Variants in CCSER2 observed in about 807,000 individuals in gnomAD.
CCSER2 encodes serine-rich coiled-coil domain-containing protein 2.
A neutral mutation model predicts 92.3 loss-of-function variants in CCSER2; 46 were observed. The ratio of observed to expected loss-of-function variants is 0.50; its 90% confidence interval spans 0.39 to 0.64. The LOEUF (loss-of-function observed/expected upper bound fraction) is 0.64, where lower values mean the gene tolerates loss of function less well. CCSER2 is among the 30% of genes least tolerant of loss of function. The probability of loss-of-function intolerance (pLI) is 0.00; values close to 1 mark genes in which losing one functional copy is unlikely to be tolerated. For missense variants in CCSER2, 1,244 were observed against 1,238.9 expected, an observed-to-expected ratio of 1.00 and a Z score of -0.06; for synonymous variants, 433 against 431.4, an observed-to-expected ratio of 1.00 and a Z score of -0.04.
At chr10:84,436,325 CA>C (rs1160681619) in intron 5 of CCSER2, among the ~76,000 whole-genome samples, 54 of 14,334 alleles carry the variant, frequency 3.8e-3, no homozygotes, top group African/African-American at 0.016. Flanking sequence ...GACTCCGTCT[CA>C]AAAAAAAAAA....
intron 6 of CCSER2, among the ~76,000 whole-genome samples, chr10:84,458,315 T>G (rs1226507847): frequency 6.6e-6 from 1 of 152,210 alleles, no homozygotes; most frequent in Non-Finnish European, 1.5e-5. Context: ...TGTAGTGTTT[T>G]GCCTTTGTAA....
chr10:84,517,768 C>T lies in CCSER2; in HGVS notation c.*3501C>T, dbSNP rs1014350329. 6.6e-6 allele frequency: 1 copy of T among 152,524 alleles called. No individual in the cohort carries two copies. The highest frequency in any genetic ancestry group is 1.5e-5 in the Non-Finnish European group (1 of 68,014). 9.4% of individuals were successfully genotyped at this position (152,524 alleles called of 1,614,324 possible). A position where few individuals can be genotyped will look rare whatever the true frequency, so the allele number is the denominator to read the frequency against. On this transcript the variant is annotated 3_prime_UTR_variant, in exon 10 of 10. Transcript: ENST00000372088. The stretch of plus-strand genomic sequence containing the variant: ...TCAGTACATCAGAGAGAGCGTGATC[C>T]CCCTACAGCTGTCACTTCCAAATGT...
chr10:84,390,894 C>T, intron 3 of CCSER2: 2 of 703,714 alleles, frequency 2.8e-6, no homozygotes, highest in Non-Finnish European at 5.3e-6. Flanking sequence ...TAACATGTAT[C>T]TGGTTTTGCT....
At chr10:84,479,446 A>C (rs1437102927) in intron 9 of CCSER2, among the ~76,000 whole-genome samples, 1 of 152,212 alleles carries the variant, frequency 6.6e-6, no homozygotes, top group Non-Finnish European at 1.5e-5. Context: ...GATTTGTCCA[A>C]GGGGATTTTG....
chr10:84,427,742 A>G (rs569945584), intron 5 of CCSER2, among the ~76,000 whole-genome samples: 1 of 152,114 alleles, frequency 6.6e-6, no homozygotes, highest in African/African-American at 2.4e-5. Context: ...TTGATATGCT[A>G]TCTGGAATTC....
At chr10:84,385,146 G>A (rs1280682258) in intron 3 of CCSER2, among the ~76,000 whole-genome samples, 2 of 151,964 alleles carry the variant, frequency 1.3e-5, no homozygotes, top group Non-Finnish European at 2.9e-5. Flanking sequence ...CATTCTTATG[G>A]ATTAGAAGAA....
intron 3 of CCSER2, among the ~76,000 whole-genome samples, chr10:84,383,467 T>C (rs1841024355): frequency 6.6e-6 from 1 of 151,992 alleles, no homozygotes. Context: ...CCCGCCACCA[T>C]ACCTGGCTGA....
At chr10:84,419,364 A>AAAATAAATAAAATAAAAAT (rs1554844932) in intron 4 of CCSER2, among the ~76,000 whole-genome samples, 1 of 149,912 alleles carries the variant, frequency 6.7e-6, no homozygotes, top group East Asian at 1.9e-4. Context: ...TCAAAAAAAA[A>AAAATAAATAAAATAAAAAT]AAAATAAAAT....
chr10:84,330,518 T>C (rs1843504540), intron 1 of CCSER2, among the ~76,000 whole-genome samples: 1 of 152,194 alleles, frequency 6.6e-6, no homozygotes. Flanking sequence ...TTGGGGTTTC[T>C]TTTGTGTTTT....
Position 84,417,855 on chromosome 10 carries a change from G to A in CCSER2, c.1699G>A (p.Glu567Lys), listed in dbSNP as rs1205636094. The A allele has an allele frequency of 6.5e-7, 1 of 1,534,282 alleles. No homozygotes were observed. The highest frequency in any genetic ancestry group is 1.4e-5 in the African/African-American group (1 of 73,434). Residue 567 changes from glutamate to lysine, a missense_variant, in exon 4 of 10, where the codon GAA becomes AAA. Transcript: ENST00000372088. ...DVDLPEDAPL[E>K]NVECDNMNRF... Reference sequence around the variant, plus strand: ...GGATCTGCCTGAGGATGCACCTCTTGAAAATGGTAAGTTGAGACAATATTG... The same window carrying A: ...GGATCTGCCTGAGGATGCACCTCTTAAAAATGGTAAGTTGAGACAATATTG...
At chr10:84,360,115 G>A (rs529876744) in intron 1 of CCSER2, among the ~76,000 whole-genome samples, 71 of 151,944 alleles carry the variant, frequency 4.7e-4, no homozygotes, top group Admixed American at 1.0e-3. Context: ...GCCTGGCTGG[G>A]GTTTACTTTT....
chr10:84,402,015 TAA>T (rs1842144101), intron 3 of CCSER2, among the ~76,000 whole-genome samples: 1 of 152,194 alleles, frequency 6.6e-6, no homozygotes, highest in Non-Finnish European at 1.5e-5. Context: ...CTAATGAACT[TAA>T]AGTGACCACA....
intron 1 of CCSER2, among the ~76,000 whole-genome samples, chr10:84,341,575 G>C (rs1340872825): frequency 6.6e-6 from 1 of 151,940 alleles, no homozygotes; most frequent in Admixed American, 6.6e-5. Context: ...AAGAACAGCT[G>C]GTTGCCCTAT....
intron 6 of CCSER2, among the ~76,000 whole-genome samples, chr10:84,442,385 A>T (rs988231657): frequency 2.0e-5 from 3 of 152,222 alleles, no homozygotes; most frequent in Non-Finnish European, 4.4e-5. Context: ...TAGGCTGTAT[A>T]TTAGATGAGA....
At chr10:84,440,458 A>G (rs1564666038) in intron 6 of CCSER2, among the ~76,000 whole-genome samples, 1 of 152,198 alleles carries the variant, frequency 6.6e-6, no homozygotes, top group Non-Finnish European at 1.5e-5. Context: ...TGATACGTAT[A>G]TATAGTTTTC....
rs547318475 is a variant in CCSER2 at position 84,374,819 on chromosome 10, G to T, written c.1614+1004G>T. On this transcript the variant is annotated intron_variant, in intron 3 of 9. Coordinates refer to ENST00000372088, the MANE Select transcript of CCSER2 (RefSeq NM_001284240.2). The stretch of plus-strand genomic sequence containing the variant: ...TTTCCAGTAGTTGTATGGGAAAATT[G>T]GTAGTCTGTGGATATATTAAATTCC... Among the ~76,000 whole-genome samples, 92 of 152,282 alleles carry T rather than the reference G, an allele frequency of 6.0e-4. 1 individual carries two copies. The Middle Eastern group carries it at 0.024, about 39-fold the overall frequency.
rs541403595 is a variant in CCSER2, at chr10:84,442,904, C to A, written c.2064+4197C>A. On this transcript the variant is annotated intron_variant, in intron 6 of 9. Transcript: ENST00000372088. ...AAAAACAAGCAATGGGGAAAGGATT[C>A]CCTATTTAATAAATGGTGTTGGGAA... Among the ~76,000 whole-genome samples, 5 of 152,274 alleles carry A rather than the reference C, an allele frequency of 3.3e-5. No homozygotes were observed. The South Asian group carries it at 1.0e-3, about 32-fold the overall frequency.
chr10:84,447,910 G>T (rs866380685), intron 6 of CCSER2, among the ~76,000 whole-genome samples: 1 of 152,056 alleles, frequency 6.6e-6, no homozygotes, highest in African/African-American at 2.4e-5. Flanking sequence ...GGGCTCAACC[G>T]ATCCTCCCAA....
intron 1 of CCSER2, among the ~76,000 whole-genome samples, chr10:84,335,718 G>A (rs750719923): frequency 1.3e-4 from 20 of 152,148 alleles, no homozygotes; most frequent in Non-Finnish European, 2.8e-4. Flanking sequence ...TTGAATTGTT[G>A]TTGTCATCAT....
Sources: allele counts gnomAD v4.1 joint callset (sites outside exome capture counted in the v4.1 genomes callset), GRCh38; gene constraint gnomAD v4.1.1; transcripts MANE v1.5; gene names NCBI Gene and HGNC (gene_info 2026-07-23, HGNC 2026-07-21).